MTUS2: variants seen among roughly 807,000 people sequenced by gnomAD.
MTUS2 encodes the protein microtubule-associated tumor suppressor candidate 2.
A neutral mutation model predicts 114.1 loss-of-function variants in MTUS2; 40 were observed. The ratio of observed to expected loss-of-function variants is 0.35; its 90% CI spans 0.27 to 0.46. The LOEUF is 0.46. Among genes scored for constraint, MTUS2 ranks in the 20% least tolerant of loss-of-function variants. The probability of loss-of-function intolerance (pLI) is 1.00; values close to 1 mark genes in which losing one functional copy is unlikely to be tolerated. For missense variants in MTUS2, 1,679 were observed against 1,705.4 expected (o/e 0.98, Z 0.27); for synonymous variants, 688 against 672.0 (o/e 1.02, Z -0.37).
intron 8 of MTUS2, among the ~76,000 whole-genome samples, chr13:29,403,814 A>T (rs1175240252): frequency 6.6e-6 from 1 of 152,118 alleles, no homozygotes; most frequent in Non-Finnish European, 1.5e-5. Context: ...CAATTATGTA[A>T]GCCAATTCCT....
At chr13:29,199,222 C>T (rs1894833957) in intron 5 of MTUS2, among the ~76,000 whole-genome samples, 1 of 152,152 alleles carries the variant, frequency 6.6e-6, no homozygotes, top group Non-Finnish European at 1.5e-5. Flanking sequence ...CCTTCCAATA[C>T]TATGTTGAAT....
At chr13:29,315,879 A>C (rs1899967310) in intron 6 of MTUS2, among the ~76,000 whole-genome samples, 1 of 152,218 alleles carries the variant, frequency 6.6e-6, no homozygotes, top group African/African-American at 2.4e-5. Context: ...AGGGGATAGA[A>C]GGTTGTAACC....
chr13:29,027,838 C>T (rs1362239640), intron 3 of MTUS2, among the ~76,000 whole-genome samples: 2 of 152,080 alleles, frequency 1.3e-5, no homozygotes, highest in Non-Finnish European at 2.9e-5. Context: ...CGCGCCCAGC[C>T]GGTATTGCAG....
At chr13:29,389,695 G>A (rs1350992106) in intron 8 of MTUS2, among the ~76,000 whole-genome samples, 3 of 133,244 alleles carry the variant, frequency 2.3e-5, no homozygotes, top group African/African-American at 1.0e-4. Context: ...ATGTATATAT[G>A]TGTATATGTG....
At chr13:28,993,457 G>T (rs2030819793) in intron 2 of MTUS2, among the ~76,000 whole-genome samples, 1 of 152,116 alleles carries the variant, frequency 6.6e-6, no homozygotes, top group Admixed American at 6.5e-5. Context: ...AGTTTCTATT[G>T]CTGTGCAGAA....
At chr13:28,980,998 C>A (rs1884333509) in intron 2 of MTUS2, among the ~76,000 whole-genome samples, 1 of 152,184 alleles carries the variant, frequency 6.6e-6, no homozygotes, top group African/African-American at 2.4e-5. Context: ...GCTTTGCTGA[C>A]AGAATATGCC....
chr13:29,317,772 CTT>C (rs949812609), intron 6 of MTUS2, among the ~76,000 whole-genome samples: 2 of 152,182 alleles, frequency 1.3e-5, no homozygotes, highest in African/African-American at 4.8e-5. Flanking sequence ...CAGGTTTCCT[CTT>C]TTATTTGATA....
intron 4 of MTUS2, among the ~76,000 whole-genome samples, chr13:29,058,784 A>G (rs1298245712): frequency 3.4e-5 from 5 of 146,308 alleles, no homozygotes; most frequent in African/African-American, 7.7e-5. Context: ...TCATTGTTCA[A>G]TTCCCAACTA....
chr13:29,234,859 C>CT (rs960504848), intron 5 of MTUS2, among the ~76,000 whole-genome samples: 66 of 151,262 alleles, frequency 4.4e-4, no homozygotes, highest in African/African-American at 1.3e-3. Flanking sequence ...GGAGTTACCA[C>CT]TTTTTTTTTA....
chr13:29,101,075 A>C, intron 5 of MTUS2, 105 bp downstream of exon 5: 2 of 1,214,722 alleles, frequency 1.6e-6, no homozygotes, highest in Non-Finnish European at 2.2e-6. Context: ...AATTTGCATC[A>C]CCTCCCTTAG....
At position 29,480,923 on chromosome 13, in the gene MTUS2, G is replaced by A. The variant is rs984824135; in HGVS notation, c.3399+559G>A. ...ATGTAGTCCTCACAGTTCCCCTAAC[G>A]AGGAAGGTACCATTCTTATTCCCAT... On this transcript the variant is annotated intron_variant, in intron 10 of 15. Transcript: ENST00000612955. This position sits in a 1 kb window ranked among gnomAD's most constrained non-coding sequence, Gnocchi z 4.4. Among the ~76,000 whole-genome samples the A allele has an allele frequency of 1.3e-5, 2 of 152,114 alleles. No homozygotes were observed. Among genetic ancestry groups the A allele is most frequent in the African/African-American group, 2.4e-5 (1 of 41,390 alleles).
At chr13:29,315,883 T>G (rs1899967570) in intron 6 of MTUS2, among the ~76,000 whole-genome samples, 1 of 152,174 alleles carries the variant, frequency 6.6e-6, no homozygotes, top group Non-Finnish European at 1.5e-5. Flanking sequence ...GATAGAAGGT[T>G]GTAACCAGAA....
chr13:29,094,876 A>G (rs1174879144), intron 4 of MTUS2, among the ~76,000 whole-genome samples: 1 of 151,896 alleles, frequency 6.6e-6, no homozygotes, highest in Non-Finnish European at 1.5e-5. Context: ...TTGGTATGTC[A>G]TTCATTTTTA....
chr13:29,171,592 C>T (rs1202764243), intron 5 of MTUS2, among the ~76,000 whole-genome samples: 1 of 152,168 alleles, frequency 6.6e-6, no homozygotes, highest in Non-Finnish European at 1.5e-5. Context: ...ATGTAAGTTA[C>T]ATCAGTTAGG....
At chr13:28,844,613 A>ATGTG (rs1326219379) in intron 2 of MTUS2, among the ~76,000 whole-genome samples, 1 of 59,606 alleles carries the variant, frequency 1.7e-5, no homozygotes, top group Non-Finnish European at 4.1e-5. Context: ...GTGTGTGTGT[A>ATGTG]TGTGTGTGTG....
At chr13:29,262,710 G>A (rs1897523644) in intron 5 of MTUS2, among the ~76,000 whole-genome samples, 1 of 152,172 alleles carries the variant, frequency 6.6e-6, no homozygotes, top group South Asian at 2.1e-4. Flanking sequence ...GACTGTCAGT[G>A]TCAATACCTG....
At chr13:29,241,338 A>G (rs142321534) in intron 5 of MTUS2, among the ~76,000 whole-genome samples, 54 of 152,324 alleles carry the variant, frequency 3.5e-4, no homozygotes, top group Non-Finnish European at 6.8e-4. Context: ...CTCCATACAC[A>G]AACATCTTAG....
At chr13:29,029,401 C>G (rs1174406145) in intron 3 of MTUS2, among the ~76,000 whole-genome samples, 1 of 152,092 alleles carries the variant, frequency 6.6e-6, no homozygotes, top group Non-Finnish European at 1.5e-5. Flanking sequence ...AACAAATTGC[C>G]CTTCTGGATT....
At chr13:28,928,944 A>G (rs996862801) in intron 2 of MTUS2, among the ~76,000 whole-genome samples, 4 of 152,240 alleles carry the variant, frequency 2.6e-5, no homozygotes, top group African/African-American at 9.6e-5. Context: ...ACGTGTACAC[A>G]TGCACACATA....
Sources: gnomAD v4.1 joint callset for allele counts (sites outside exome capture counted in the v4.1 genomes callset) on GRCh38, gnomAD v4.1.1 for gene constraint, Gnocchi (gnomAD v3.1) non-coding constraint, MANE v1.5 for transcripts, NCBI Gene and HGNC (gene_info 2026-07-23, HGNC 2026-07-21) for gene names.